Variants in GBE1 observed in about 807,000 individuals in gnomAD.
GBE1 encodes the protein 1,4-alpha-glucan branching enzyme 1.
A neutral mutation model predicts 88.8 loss-of-function variants in GBE1; 70 were observed. The observed-to-expected ratio is 0.79, with a 90% CI of 0.65 to 0.96. GBE1 has a LOEUF of 0.96. Ranked by LOEUF, GBE1 falls within the 40% of genes least tolerant of loss-of-function variation. The pLI, the probability that GBE1 is intolerant of heterozygous loss-of-function variation, is 0.00. For synonymous variants in GBE1, 284 were observed against 300.1 expected (o/e 0.95, Z 0.56); for missense variants, 872 against 871.0 (o/e 1.00, Z -0.01).
chr3:81,495,124 C>T (rs1432020477), intron 15 of GBE1, among the ~76,000 whole-genome samples: 2 of 152,174 alleles, frequency 1.3e-5, no homozygotes, highest in African/African-American at 2.4e-5. Flanking sequence ...CATAGTGGCT[C>T]ACGCCTGTAA....
chr3:81,594,037 G>C lies in GBE1; in HGVS notation c.993-14C>G. ...AAAATTTCCCAGCTAAAATATAAGA[G>C]AAATATGTATTTAAGCAAAATGTGA... On this transcript the variant is annotated splice_polypyrimidine_tract_variant and intron_variant, in intron 7 of 15. Transcript: ENST00000429644. The C allele has an allele frequency of 7.8e-7, 1 of 1,279,668 alleles. No individual in the cohort carries two copies. Among genetic ancestry groups the C allele is most frequent in the South Asian group, 1.3e-5 (1 of 76,652 alleles). The allele number at this position is 1,279,668 out of a possible 1,614,324, so 79.3% of individuals were successfully genotyped here. A position where few individuals can be genotyped will look rare whatever the true frequency, so the allele number is the denominator to read the frequency against.
intron 12 of GBE1, among the ~76,000 whole-genome samples, chr3:81,556,446 A>G (rs1703350032): frequency 2.0e-5 from 3 of 152,068 alleles, no homozygotes; most frequent in Non-Finnish European, 4.4e-5. Context: ...AGGAAACTTT[A>G]TTTCTTGAAA....
intron 1 of GBE1, among the ~76,000 whole-genome samples, chr3:81,758,663 G>C (rs1706636340): frequency 6.6e-6 from 1 of 152,118 alleles, no homozygotes; most frequent in Admixed American, 6.5e-5. Context: ...CTAAATAAAA[G>C]GTAGAAAAAT....
intron 6 of GBE1, among the ~76,000 whole-genome samples, chr3:81,645,496 T>C (rs1704749350): frequency 1.3e-5 from 2 of 152,154 alleles, no homozygotes; most frequent in African/African-American, 4.8e-5. Context: ...GCAACTTCAG[T>C]AAAGAGGCAG....
rs1419556979 is a variant in GBE1, at chr3:81,721,255, AAAG to A, written c.144-15645_144-15643del. 7.7e-5 allele frequency among the ~76,000 whole-genome samples: 8 copies of A among 103,426 alleles called. 1 individual carries two copies. Among genetic ancestry groups the A allele is most frequent in the East Asian group, 1.6e-3 (2 of 1,252 alleles). 67.9% of individuals were successfully genotyped at this position (103,426 alleles called of 152,430 possible). A position where few individuals can be genotyped will look rare whatever the true frequency, so the allele number is the denominator to read the frequency against. ...AATAAAAACACATGAAAAAAAAAAA[AAAG>A]AAAGAAAACCCAAAGCTAAATTTCA... On this transcript the variant is annotated intron_variant, in intron 1 of 15. Transcript: ENST00000429644.
In GBE1 at chr3:81,748,491, G is replaced by A. The variant is rs557693889; in HGVS notation, c.143+12884C>T. On this transcript the variant is annotated intron_variant, in intron 1 of 15. Coordinates refer to ENST00000429644, the MANE Select transcript of GBE1 (RefSeq NM_000158.4). The stretch of plus-strand genomic sequence containing the variant: ...CCGGGTGTGGTGGCGGGCGCCTGTA[G>A]TCCCAGCTACTCGGGAGACTGGGGC... 6.6e-5 allele frequency among the ~76,000 whole-genome samples: 10 copies of A among 151,514 alleles called. No homozygotes were observed. In the East Asian group the frequency reaches 2.0e-3, roughly 30 times the overall value.
chr3:81,595,032 TCAGAATTGTAAATC>T (rs1703937795), intron 7 of GBE1, among the ~76,000 whole-genome samples: 1 of 151,716 alleles, frequency 6.6e-6, no homozygotes, highest in African/African-American at 2.4e-5. Context: ...AAAATTAACT[TCAGAATTGTAAATC>T]CAAACTTTGG....
At chr3:81,678,058 T>A (rs1705287121) in intron 2 of GBE1, among the ~76,000 whole-genome samples, 1 of 152,194 alleles carries the variant, frequency 6.6e-6, no homozygotes, top group Admixed American at 6.5e-5. Flanking sequence ...TTCTGAGAAA[T>A]GTGTCATTAG....
intron 7 of GBE1, among the ~76,000 whole-genome samples, chr3:81,615,417 T>C (rs755353781): frequency 6.6e-6 from 1 of 152,206 alleles, no homozygotes; most frequent in Non-Finnish European, 1.5e-5. Flanking sequence ...TCTTTCATAG[T>C]TGCATCCAGA....
intron 3 of GBE1, among the ~76,000 whole-genome samples, chr3:81,652,895 T>C (rs928226831): frequency 6.6e-6 from 1 of 152,208 alleles, no homozygotes; most frequent in Non-Finnish European, 1.5e-5. Flanking sequence ...CCTGCATTTG[T>C]GTTATGCTCC....
chr3:81,597,607 T>A (rs1703977472), intron 7 of GBE1, among the ~76,000 whole-genome samples: 1 of 151,146 alleles, frequency 6.6e-6, no homozygotes, highest in Admixed American at 6.6e-5. Flanking sequence ...AGCACTGTGC[T>A]ATTCACACTG....
At chr3:81,568,359 G>A (rs961683884) in intron 12 of GBE1, among the ~76,000 whole-genome samples, 1 of 152,110 alleles carries the variant, frequency 6.6e-6, no homozygotes, top group Non-Finnish European at 1.5e-5. Context: ...CGCTGGCCAG[G>A]CTGGTCACCA....
chr3:81,675,653 T>C (rs188567728), intron 2 of GBE1, among the ~76,000 whole-genome samples: 359 of 152,228 alleles, frequency 2.4e-3, no homozygotes, highest in Non-Finnish European at 4.6e-3. Context: ...ACCTTTTAAA[T>C]GTTAACAATA....
chr3:81,646,662 AG>A (rs1295193538), intron 5 of GBE1, among the ~76,000 whole-genome samples, 180 bp from the exon 6 acceptor site: 1 of 152,184 alleles, frequency 6.6e-6, no homozygotes, highest in Non-Finnish European at 1.5e-5. Flanking sequence ...AACATTGGAT[AG>A]TCTCTTAGAG....
In GBE1 at chr3:81,646,237, G is replaced by C. The variant is rs568006291; in HGVS notation, c.782+155C>G. On this transcript the variant is annotated intron_variant, in intron 6 of 15. Transcript: ENST00000429644. ...CAATTTCTAAGGCTGGAGGAGAAGAGAGTCTATGACCTTAGTAAAAGAAAA... is the reference window on the plus strand; with the variant it reads ...CAATTTCTAAGGCTGGAGGAGAAGACAGTCTATGACCTTAGTAAAAGAAAA... Among the ~76,000 whole-genome samples the C allele has an allele frequency of 3.5e-4, 54 of 152,280 alleles. No homozygotes were observed. In the South Asian group the frequency reaches 6.4e-3, roughly 18 times the overall value.
chr3:81,718,637 GTTTTGTTTTGTTT>G (rs1000044585), intron 1 of GBE1, among the ~76,000 whole-genome samples: 1 of 151,912 alleles, frequency 6.6e-6, no homozygotes, highest in Admixed American at 6.6e-5. Context: ...TGTTTGTTTT[GTTTTGTTTTGTTT>G]TTTGAGATGG....
chr3:81,679,692 T>C (rs1441138483), intron 2 of GBE1, among the ~76,000 whole-genome samples: 2 of 152,236 alleles, frequency 1.3e-5, no homozygotes, highest in African/African-American at 4.8e-5. Flanking sequence ...CTGATTATTC[T>C]CTCCAATGCT....
In GBE1 at chr3:81,704,585, T is replaced by C. The variant is rs1705746360; in HGVS notation, c.313+859A>G. Among the ~76,000 whole-genome samples the C allele has an allele frequency of 2.6e-5, 4 of 152,076 alleles. No homozygotes were observed. In the South Asian group the frequency reaches 8.3e-4, roughly 32 times the overall value. On this transcript the variant is annotated intron_variant, in intron 2 of 15. Coordinates refer to ENST00000429644, the MANE Select transcript of GBE1 (RefSeq NM_000158.4). Reference sequence around the variant, plus strand: ...GTCATAAAAATTGAATAACACAGCATGTAGACTTTTGAGCCCAGTGAAATC... The same window carrying C: ...GTCATAAAAATTGAATAACACAGCACGTAGACTTTTGAGCCCAGTGAAATC...
chr3:81,657,768 CTCTT>C (rs1286367139), intron 3 of GBE1, among the ~76,000 whole-genome samples: 4 of 151,968 alleles, frequency 2.6e-5, no homozygotes, highest in Non-Finnish European at 4.4e-5. Context: ...TTTTAGAAAT[CTCTT>C]TCTTTGCCTC....
Sources: gnomAD v4.1 joint callset for allele counts (sites outside exome capture counted in the v4.1 genomes callset) on GRCh38, gnomAD v4.1.1 for gene constraint, MANE v1.5 for transcripts, NCBI Gene and HGNC (gene_info 2026-07-23, HGNC 2026-07-21) for gene names.